The following EDNRA variants were observed in gnomAD, a reference collection of about 807,000 sequenced individuals.
EDNRA encodes the protein endothelin-1 receptor.
Under a neutral mutation model 41.4 loss-of-function variants are expected in EDNRA, and 11 were observed. The observed-to-expected ratio is 0.27, with a 90% CI of 0.17 to 0.44. EDNRA has a LOEUF of 0.44. Among genes scored for constraint, EDNRA ranks in the 20% least tolerant of loss-of-function variants. EDNRA has a pLI of 1.00. For missense variants in EDNRA, 294 were observed against 531.0 expected, an observed-to-expected ratio of 0.55 and a Z score of 4.39; for synonymous variants, 172 against 183.0, an observed-to-expected ratio of 0.94 and a Z score of 0.49.
intron 2 of EDNRA, among the ~76,000 whole-genome samples, chr4:147,514,773 C>T (rs1730053685): frequency 6.6e-6 from 1 of 152,134 alleles, no homozygotes; most frequent in South Asian, 2.1e-4. Context: ...TGCACCCAGC[C>T]CAAGATTTTT....
chr4:147,514,423 T>C (rs776363352), intron 2 of EDNRA, among the ~76,000 whole-genome samples: 1 of 152,032 alleles, frequency 6.6e-6, no homozygotes, highest in Non-Finnish European at 1.5e-5. Flanking sequence ...TGGGTGAGAG[T>C]GTAAGGGGAT....
intron 1 of EDNRA, among the ~76,000 whole-genome samples, chr4:147,482,914 G>C (rs2126362539): frequency 6.6e-6 from 1 of 152,356 alleles, no homozygotes; most frequent in Non-Finnish European, 1.5e-5. Flanking sequence ...AACCGGCAGA[G>C]AGCCATTCCA....
intron 2 of EDNRA, among the ~76,000 whole-genome samples, chr4:147,499,533 T>C (rs1051131557): frequency 2.0e-5 from 3 of 152,196 alleles, no homozygotes; most frequent in Non-Finnish European, 4.4e-5. Flanking sequence ...CATCAGAACT[T>C]TGGTCTCATG....
rs531807461 is a variant in EDNRA at position 147,482,819 on chromosome 4, G to A, written c.-71+1443G>A. 9.2e-5 allele frequency among the ~76,000 whole-genome samples: 14 copies of A among 152,192 alleles called. No individual in the cohort carries two copies. In the South Asian group the frequency reaches 1.2e-3, roughly 14 times the overall value. ...TAACCAAGCAGACCAGCATGCTAAC[G>A]TTCAAAGCACCACAGGACCTCTGAT... On this transcript the variant is annotated intron_variant, in intron 1 of 7. Transcript: ENST00000651419.
chr4:147,503,986 G>A (rs928465264), intron 2 of EDNRA, among the ~76,000 whole-genome samples: 5 of 151,882 alleles, frequency 3.3e-5, no homozygotes, highest in Middle Eastern at 3.2e-3. Context: ...TATTTAGTGC[G>A]AAAAAATGGC....
At chr4:147,542,444 G>C in intron 7 of EDNRA, 34 bp from the exon 8 acceptor site, 3 of 1,613,200 alleles carry the variant, frequency 1.9e-6, no homozygotes, top group Non-Finnish European at 2.5e-6. Flanking sequence ...GGGCTGGTAG[G>C]CTCGCCTTAC....
At chr4:147,523,499 T>TG (rs1553979470) in intron 3 of EDNRA, among the ~76,000 whole-genome samples, 1 of 148,208 alleles carries the variant, frequency 6.7e-6, no homozygotes, top group African/African-American at 2.5e-5. Flanking sequence ...TTTTTTTTGT[T>TG]TTTTTTTTTG....
intron 1 of EDNRA, among the ~76,000 whole-genome samples, chr4:147,482,264 T>A (rs1728789483): frequency 6.6e-6 from 1 of 152,228 alleles, no homozygotes; most frequent in East Asian, 1.9e-4. Context: ...AGGTCTGAAT[T>A]TCCAAATTAC....
chr4:147,527,539 G>T (rs1730596487), intron 3 of EDNRA, among the ~76,000 whole-genome samples: 1 of 152,064 alleles, frequency 6.6e-6, no homozygotes, highest in African/African-American at 2.4e-5. Flanking sequence ...TAAAAAAATA[G>T]ATTTTGTTGA....
intron 2 of EDNRA, among the ~76,000 whole-genome samples, chr4:147,502,151 G>A (rs1729539039): frequency 6.6e-6 from 1 of 152,004 alleles, no homozygotes; most frequent in Non-Finnish European, 1.5e-5. Flanking sequence ...AAACGTATTG[G>A]GTCACTGAAT....
At chr4:147,529,623 CAGT>C (rs1730675522) in intron 3 of EDNRA, among the ~76,000 whole-genome samples, 1 of 151,656 alleles carries the variant, frequency 6.6e-6, no homozygotes, top group African/African-American at 2.4e-5. Context: ...CAGCAGTTGT[CAGT>C]GGTGGAATCT....
rs575264596 is a variant in EDNRA at position 147,482,522 on chromosome 4, T to C, written c.-71+1146T>C. On this transcript the variant is annotated intron_variant, in intron 1 of 7. Coordinates refer to ENST00000651419, the MANE Select transcript of EDNRA (RefSeq NM_001957.4). ...CTGACTCAGATTCCTGGAAATGAGC[T>C]ACAGACCCACCTTGGAAGAACCTGC... 2.0e-5 allele frequency among the ~76,000 whole-genome samples: 3 copies of C among 152,344 alleles called. No individual in the cohort carries two copies. In the East Asian group the frequency reaches 5.8e-4, roughly 29 times the overall value.
chr4:147,488,682 G>A (rs901514045), intron 2 of EDNRA: 1 of 152,210 alleles, frequency 6.6e-6, no homozygotes, highest in Non-Finnish European at 1.5e-5. Flanking sequence ...AAGGCTCACA[G>A]TATTTAGGAG....
intron 4 of EDNRA, among the ~76,000 whole-genome samples, chr4:147,534,410 A>C (rs1414070229): frequency 6.6e-6 from 1 of 152,220 alleles, no homozygotes; most frequent in African/African-American, 2.4e-5. Context: ...GTTTGCACTT[A>C]ACCTGAGGAT....
chr4:147,496,866 G>A (rs1023947052), intron 2 of EDNRA, among the ~76,000 whole-genome samples: 2 of 152,026 alleles, frequency 1.3e-5, no homozygotes, highest in Non-Finnish European at 2.9e-5. Context: ...CTAGTTTTGG[G>A]CTATTTTGAA....
intron 2 of EDNRA, among the ~76,000 whole-genome samples, chr4:147,510,439 T>G (rs564478510): frequency 6.6e-6 from 1 of 152,230 alleles, no homozygotes; most frequent in East Asian, 1.9e-4. Flanking sequence ...TACAACCTAA[T>G]GTTATCTCAT....
intron 2 of EDNRA, among the ~76,000 whole-genome samples, chr4:147,513,690 C>T (rs9308221): frequency 0.12 from 18,149 of 152,146 alleles, 3,550 homozygotes; most frequent in African/African-American, 0.41. Flanking sequence ...CAATTCTAAG[C>T]GACCCTATAA....
At position 147,485,708 on chromosome 4, in the gene EDNRA, C is replaced by A; in HGVS notation, c.27C>A (p.Ser9=). The part of the protein sequence containing the change: METLCLRA[S]FWLALVGCVI... The stretch of plus-strand genomic sequence containing the variant: ...TGGAAACCCTTTGCCTCAGGGCATC[C>A]TTTTGGCTGGCACTGGTTGGATGTG... The change falls in exon 2 of 8, where the codon TCC becomes TCA. Residue 9 remains serine (S), a synonymous_variant. Coordinates refer to ENST00000651419, the MANE Select transcript of EDNRA (RefSeq NM_001957.4). 6.2e-7 allele frequency: 1 copy of A among 1,610,022 alleles called. No individual in the cohort carries two copies. The highest frequency in any genetic ancestry group is 8.5e-7 in the Non-Finnish European group (1 of 1,177,284).
intron 7 of EDNRA, among the ~76,000 whole-genome samples, chr4:147,541,491 CT>C (rs1260548026): frequency 7.2e-5 from 11 of 152,322 alleles, no homozygotes; most frequent in African/African-American, 2.6e-4. Context: ...TAGTGCCTCT[CT>C]TGCTTTTTCA....
Sources: allele counts gnomAD v4.1 joint callset (sites outside exome capture counted in the v4.1 genomes callset), GRCh38; gene constraint gnomAD v4.1.1; transcripts MANE v1.5; gene names NCBI Gene and HGNC (gene_info 2026-07-23, HGNC 2026-07-21).